GARRE1: variants seen among roughly 807,000 people sequenced by gnomAD.
GARRE1 encodes the protein granule associated Rac and RHOG effector 1, also known as granule associated Rac and RHOG effector protein 1.
Under a neutral mutation model 103.2 loss-of-function variants are expected in GARRE1, and 49 were observed. The observed-to-expected ratio is 0.47, with a 90% confidence interval of 0.38 to 0.60. GARRE1 has a LOEUF of 0.60. Among genes scored for constraint, GARRE1 ranks in the 20% least tolerant of loss-of-function variants. The pLI, the probability that GARRE1 is intolerant of heterozygous loss-of-function variation, is 0.00. For synonymous variants in GARRE1, 505 were observed against 532.8 expected (o/e 0.95, Z 0.72); for missense variants, 1,199 against 1,370.5 (o/e 0.87, Z 1.98).
At chr19:34,275,417 C>CCCCAT (rs2073811393) in intron 1 of GARRE1, among the ~76,000 whole-genome samples, 1 of 151,916 alleles carries the variant, frequency 6.6e-6, no homozygotes, top group Non-Finnish European at 1.5e-5. Context: ...ACACCCCCAC[C>CCCCAT]CCCAGCCTTA....
intron 1 of GARRE1, chr19:34,296,643 T>A (rs1176329858): frequency 9.4e-7 from 1 of 1,062,868 alleles, no homozygotes; most frequent in East Asian, 2.4e-5. Context: ...GTCCATCCAC[T>A]TAAGAGATTT....
chr19:34,305,901 A>G (rs541525121), intron 2 of GARRE1, among the ~76,000 whole-genome samples: 1 of 152,214 alleles, frequency 6.6e-6, no homozygotes, highest in Non-Finnish European at 1.5e-5. Flanking sequence ...CTGGAAACTA[A>G]GTATTTGGTG....
chr19:34,296,826 T>G (rs2073950052), intron 1 of GARRE1, among the ~76,000 whole-genome samples: 1 of 152,152 alleles, frequency 6.6e-6, no homozygotes, highest in Non-Finnish European at 1.5e-5. Context: ...GTTTTATTTT[T>G]GGGGACAGAG....
At chr19:34,307,021 C>T (rs200786332) in intron 2 of GARRE1, among the ~76,000 whole-genome samples, 10 of 152,012 alleles carry the variant, frequency 6.6e-5, no homozygotes, top group African/African-American at 1.2e-4. Flanking sequence ...GGATTCCAGG[C>T]GGAGGGAGCG....
intron 1 of GARRE1, among the ~76,000 whole-genome samples, chr19:34,264,508 C>T (rs2073739497): frequency 6.6e-6 from 1 of 152,222 alleles, no homozygotes; most frequent in Middle Eastern, 3.4e-3. Flanking sequence ...ACGCCATTCT[C>T]CTGCCTCAGC....
intron 2 of GARRE1, among the ~76,000 whole-genome samples, chr19:34,303,915 C>A (rs562623996): frequency 6.6e-6 from 1 of 152,192 alleles, no homozygotes; most frequent in African/African-American, 2.4e-5. Context: ...CCGCTCCCGG[C>A]CTTGTTTTTA....
intron 1 of GARRE1, among the ~76,000 whole-genome samples, chr19:34,282,462 A>G (rs544726104): frequency 6.6e-6 from 1 of 152,256 alleles, no homozygotes; most frequent in South Asian, 2.1e-4. Flanking sequence ...GCTTTTAAGG[A>G]TGCACTATCT....
chr19:34,320,103 G>A lies in GARRE1; in HGVS notation c.692G>A (p.Arg231Gln), dbSNP rs781001710. ...GTAGAGGAAGCTGTGCGGTCCTGGC[G>A]GGGGGCTGCTGAGGTAACCCTGGCT... ...PEVEEAVRSWRGAAEATSRLR... is the reference protein window; with the variant it reads ...PEVEEAVRSWQGAAEATSRLR... Residue 231 changes from arginine (R) to glutamine (Q), a missense_variant, in exon 3 of 14, where the codon CGG becomes CAG. Coordinates refer to ENST00000299505, the MANE Select transcript of GARRE1 (RefSeq NM_014686.5). 66 of 1,613,772 alleles carry A rather than the reference G, an allele frequency of 4.1e-5. No individual in the cohort carries two copies. The highest frequency in any genetic ancestry group is 3.6e-4 in the South Asian group (33 of 91,062).
intron 9 of GARRE1, among the ~76,000 whole-genome samples, chr19:34,340,475 G>T (rs141806807): frequency 5.5e-4 from 18 of 32,924 alleles, no homozygotes; most frequent in Non-Finnish European, 1.4e-3. Context: ...TTTCTTTTCT[G>T]TCTTGGTCTT....
At chr19:34,262,716 C>T (rs575494357) in intron 1 of GARRE1, among the ~76,000 whole-genome samples, 18 of 152,162 alleles carry the variant, frequency 1.2e-4, no homozygotes, top group Non-Finnish European at 2.1e-4. Context: ...GATCCTCTGA[C>T]TTCATGAAAA....
rs2074259465 is a variant in GARRE1 at position 34,354,517 on chromosome 19, C to A, written c.*1562C>A. On this transcript the variant is annotated 3_prime_UTR_variant, in exon 14 of 14. Coordinates refer to ENST00000299505, the MANE Select transcript of GARRE1 (RefSeq NM_014686.5). The stretch of plus-strand genomic sequence containing the variant: ...TGAAACCCCATCTCTACTAAAAATA[C>A]AAAAATTAGCCGGGTGTGGTGGCGT... The A allele has an allele frequency of 6.6e-6, 1 of 151,952 alleles. No homozygotes were observed. Among genetic ancestry groups the A allele is most frequent in the Non-Finnish European group, 1.5e-5 (1 of 68,024 alleles). The allele number at this position is 151,952 out of a possible 1,614,324, so 9.4% of individuals were successfully genotyped here.
intron 2 of GARRE1, among the ~76,000 whole-genome samples, chr19:34,304,727 T>G (rs1185370161): frequency 6.6e-6 from 1 of 152,018 alleles, no homozygotes; most frequent in African/African-American, 2.4e-5. Context: ...TACCCAGGGA[T>G]ACTGTCATTT....
intron 2 of GARRE1, among the ~76,000 whole-genome samples, chr19:34,314,333 C>T (rs2074050221): frequency 6.6e-6 from 1 of 151,994 alleles, no homozygotes; most frequent in South Asian, 2.1e-4. Context: ...AAACTATAAA[C>T]ACACAATCTA....
chr19:34,273,803 G>A (rs1398052765), intron 1 of GARRE1, among the ~76,000 whole-genome samples: 1 of 152,224 alleles, frequency 6.6e-6, no homozygotes, highest in East Asian at 1.9e-4. Flanking sequence ...TGAGCCAAGA[G>A]AGCTTTCCAG....
At chr19:34,296,522 G>T in intron 1 of GARRE1, 2 of 1,595,380 alleles carry the variant, frequency 1.3e-6, no homozygotes, top group South Asian at 2.2e-5. Flanking sequence ...GCTTTACGAG[G>T]GCCTTGATAG....
chr19:34,314,222 A>ATTATTATT (rs1169354429), intron 2 of GARRE1, among the ~76,000 whole-genome samples: 1 of 152,148 alleles, frequency 6.6e-6, no homozygotes, highest in Non-Finnish European at 1.5e-5. Context: ...TAGGTATGCT[A>ATTATTATT]AGGTTTATAG....
In GARRE1 at chr19:34,339,929, C is replaced by T; in HGVS notation, c.1424C>T (p.Thr475Ile). ...CAGAGAAGCCTTGATCCTGAGAAGA[C>T]CCTGGGTCTAGTGGACGTGCTCTAC... ...LLQRSLDPEK[T>I]LGLVDVLYTA... Residue 475 changes from threonine (T) to isoleucine (I), a missense_variant, in exon 9 of 14, where the codon ACC becomes ATC. Physicochemically the swap from Thr to Ile is moderately conservative, Grantham distance 89. Coordinates refer to ENST00000299505, the MANE Select transcript of GARRE1 (RefSeq NM_014686.5). 1 of 1,613,772 alleles carries T rather than the reference C, an allele frequency of 6.2e-7. No individual in the cohort carries two copies. The highest frequency in any genetic ancestry group is 1.6e-4 in the Middle Eastern group (1 of 6,062).
intron 2 of GARRE1, among the ~76,000 whole-genome samples, chr19:34,301,229 T>C (rs2073977131): frequency 6.6e-6 from 1 of 151,874 alleles, no homozygotes; most frequent in Non-Finnish European, 1.5e-5. Flanking sequence ...AGCTCAGGAG[T>C]TTGAGGCATC....
At chr19:34,317,929 T>A (rs2145257891) in intron 2 of GARRE1, among the ~76,000 whole-genome samples, 1 of 152,296 alleles carries the variant, frequency 6.6e-6, no homozygotes, top group Middle Eastern at 3.4e-3. Context: ...GTGCGCTGCC[T>A]TCGTGTCCCT....
Sources: allele counts gnomAD v4.1 joint callset (sites outside exome capture counted in the v4.1 genomes callset), GRCh38; gene constraint gnomAD v4.1.1; transcripts MANE v1.5; gene names NCBI Gene and HGNC (gene_info 2026-07-23, HGNC 2026-07-21).